CADPS2: variants seen among roughly 807,000 people sequenced by gnomAD.
CADPS2 encodes calcium-dependent secretion activator 2.
CADPS2 carries 93 observed loss-of-function variants against 172.5 expected under a neutral mutation model. The ratio of observed to expected loss-of-function variants is 0.54; its 90% CI spans 0.46 to 0.64. CADPS2 has a LOEUF of 0.64. CADPS2 is among the 30% of genes least tolerant of loss of function. The pLI is 0.00. For synonymous variants in CADPS2, 546 were observed against 555.2 expected, an observed-to-expected ratio of 0.98 and a Z score of 0.23; for missense variants, 1,420 against 1,565.9, an observed-to-expected ratio of 0.91 and a Z score of 1.57.
At chr7:122,629,086 A>T (rs1236624558) in intron 4 of CADPS2, among the ~76,000 whole-genome samples, 162 bp downstream of exon 4, 1 of 152,058 alleles carries the variant, frequency 6.6e-6, no homozygotes, top group African/African-American at 2.4e-5. Context: ...TTTAGATAAC[A>T]TGCTTTCAGA....
At chr7:122,869,181 T>C (rs1819081604) in intron 1 of CADPS2, among the ~76,000 whole-genome samples, 1 of 151,998 alleles carries the variant, frequency 6.6e-6, no homozygotes, top group South Asian at 2.1e-4. Flanking sequence ...GGGAAGAAAT[T>C]AGAAATCCAG....
At chr7:122,432,232 A>G (rs2050028839) in intron 17 of CADPS2, among the ~76,000 whole-genome samples, 1 of 152,214 alleles carries the variant, frequency 6.6e-6, no homozygotes, top group African/African-American at 2.4e-5. Context: ...TTTAATGGCA[A>G]CAGCAGGACC....
intron 11 of CADPS2, among the ~76,000 whole-genome samples, chr7:122,489,546 T>G (rs2152301770): frequency 6.6e-6 from 1 of 152,238 alleles, no homozygotes; most frequent in Middle Eastern, 3.4e-3. Context: ...TCTTAACAAC[T>G]TAAGGTAGCA....
At chr7:122,853,688 A>G (rs1814345322) in intron 1 of CADPS2, among the ~76,000 whole-genome samples, 2 of 152,248 alleles carry the variant, frequency 1.3e-5, no homozygotes, top group South Asian at 4.1e-4. Flanking sequence ...GTAACTGTTT[A>G]AATCTTGAAG....
intron 17 of CADPS2, among the ~76,000 whole-genome samples, chr7:122,436,144 TAATA>T (rs1322079884): frequency 2.6e-5 from 4 of 152,106 alleles, no homozygotes; most frequent in Non-Finnish European, 4.4e-5. Context: ...ATATTAATAA[TAATA>T]AAGAGGGCAG....
At chr7:122,695,740 A>T (rs2084985747) in intron 2 of CADPS2, among the ~76,000 whole-genome samples, 2 of 152,246 alleles carry the variant, frequency 1.3e-5, no homozygotes, top group South Asian at 4.1e-4. Context: ...TTAAATGTCC[A>T]CATTAACAAA....
At position 122,597,772 on chromosome 7, in the gene CADPS2, C is replaced by T. The variant is rs368763416; in HGVS notation, c.1224-16482G>A. Reference sequence around the variant, plus strand: ...AACATTAAGCTAACCAATCAAGTAACGTATCTGATATGCTTTGGGAGAATA... The same window carrying T: ...AACATTAAGCTAACCAATCAAGTAATGTATCTGATATGCTTTGGGAGAATA... On this transcript the variant is annotated intron_variant, in intron 6 of 29. Transcript: ENST00000449022. 2.4e-3 allele frequency among the ~76,000 whole-genome samples: 371 copies of T among 152,142 alleles called. 1 individual carries two copies. Among genetic ancestry groups the T allele is most frequent in the Middle Eastern group, 0.014 (4 of 292 alleles).
At chr7:122,705,911 T>TAATATATAATATAA (rs1491293247) in intron 2 of CADPS2, among the ~76,000 whole-genome samples, 13 of 1,182 alleles carry the variant, frequency 0.011, no homozygotes, top group Non-Finnish European at 0.064. Context: ...ATATAATATA[T>TAATATATAATATAA]TATATAATAT....
intron 9 of CADPS2, among the ~76,000 whole-genome samples, chr7:122,504,776 A>C (rs978894632): frequency 2.0e-5 from 3 of 151,878 alleles, no homozygotes; most frequent in Non-Finnish European, 4.4e-5. Context: ...CGTTGTTCAG[A>C]CTGGTCTCAA....
At chr7:122,494,391 T>A (rs1402861616) in intron 9 of CADPS2, among the ~76,000 whole-genome samples, 2 of 152,150 alleles carry the variant, frequency 1.3e-5, no homozygotes, top group Non-Finnish European at 2.9e-5. Flanking sequence ...TTAAAATATA[T>A]TATGGCATGA....
At chr7:122,446,129 T>C (rs1168480684) in intron 15 of CADPS2, among the ~76,000 whole-genome samples, 5 of 152,178 alleles carry the variant, frequency 3.3e-5, no homozygotes, top group Non-Finnish European at 7.3e-5. Context: ...CTTAACTGGT[T>C]GTATATAACA....
intron 25 of CADPS2, among the ~76,000 whole-genome samples, chr7:122,376,874 C>T (rs540585836): frequency 2.0e-5 from 3 of 152,140 alleles, no homozygotes; most frequent in African/African-American, 7.2e-5. Context: ...TACAATTTTT[C>T]TGTCTGTTAA....
chr7:122,484,666 C>CTTT (rs34182273), intron 11 of CADPS2, among the ~76,000 whole-genome samples: 1 of 145,872 alleles, frequency 6.9e-6, no homozygotes, highest in African/African-American at 2.5e-5. Flanking sequence ...TTAAGAATTT[C>CTTT]TTTTTTTTTT....
At chr7:122,709,097 G>T (rs1242112475) in intron 2 of CADPS2, among the ~76,000 whole-genome samples, 3 of 151,996 alleles carry the variant, frequency 2.0e-5, no homozygotes, top group Admixed American at 6.6e-5. Flanking sequence ...ACCAGCAATT[G>T]TCCTGTTCTC....
At chr7:122,441,769 A>G (rs1446050833) in intron 15 of CADPS2, among the ~76,000 whole-genome samples, 194 bp from the exon 16 acceptor site, 1 of 152,226 alleles carries the variant, frequency 6.6e-6, no homozygotes, top group Non-Finnish European at 1.5e-5. Flanking sequence ...CTTAAACAAT[A>G]AAAGTATAAG....
chr7:122,844,767 G>T (rs921364086), intron 1 of CADPS2, among the ~76,000 whole-genome samples: 4 of 152,264 alleles, frequency 2.6e-5, no homozygotes, highest in African/African-American at 9.6e-5. Flanking sequence ...AGTCTGATGT[G>T]ATTAAAAAGG....
chr7:122,464,408 A>C (rs2152114268), intron 14 of CADPS2, among the ~76,000 whole-genome samples: 1 of 152,362 alleles, frequency 6.6e-6, no homozygotes, highest in Non-Finnish European at 1.5e-5. Flanking sequence ...TATATTCCTT[A>C]CAGAAGAATT....
intron 3 of CADPS2, among the ~76,000 whole-genome samples, chr7:122,659,739 C>T (rs1381079736): frequency 6.6e-6 from 1 of 151,948 alleles, no homozygotes; most frequent in Non-Finnish European, 1.5e-5. Context: ...GAAGGAAAAA[C>T]TCTTGAAGGA....
chr7:122,731,154 T>C (rs1202978097), intron 2 of CADPS2, among the ~76,000 whole-genome samples: 1 of 151,666 alleles, frequency 6.6e-6, no homozygotes, highest in African/African-American at 2.4e-5. Flanking sequence ...CATTTATTCT[T>C]TGGAACCAAA....
Sources: gnomAD v4.1 joint callset for allele counts (sites outside exome capture counted in the v4.1 genomes callset) on GRCh38, gnomAD v4.1.1 for gene constraint, MANE v1.5 for transcripts, NCBI Gene and HGNC (gene_info 2026-07-23, HGNC 2026-07-21) for gene names.